Variants in GRIK2 observed in about 807,000 individuals in gnomAD.
GRIK2 encodes the protein glutamate ionotropic receptor kainate type subunit 2.
GRIK2 carries 32 observed loss-of-function variants against 100.3 expected under a neutral mutation model. The observed-to-expected ratio is 0.32, with a 90% CI of 0.24 to 0.43. GRIK2 has a LOEUF of 0.43. Among genes scored for constraint, GRIK2 ranks in the 20% least tolerant of loss-of-function variants. GRIK2 has a pLI of 1.00. For missense variants in GRIK2, 843 were observed against 1,114.9 expected, an observed-to-expected ratio of 0.76 and a Z score of 3.47; for synonymous variants, 417 against 389.4, an observed-to-expected ratio of 1.07 and a Z score of -0.83.
chr6:101,968,633 A>C (rs1792847131), intron 14 of GRIK2, among the ~76,000 whole-genome samples: 1 of 152,034 alleles, frequency 6.6e-6, no homozygotes, highest in South Asian at 2.1e-4. Flanking sequence ...GATTTGGCTG[A>C]GAACATAAAG....
At chr6:101,910,864 CAT>C (rs1491032382) in intron 12 of GRIK2, among the ~76,000 whole-genome samples, 8 of 150,616 alleles carry the variant, frequency 5.3e-5, no homozygotes, top group South Asian at 2.1e-4. Context: ...CACACACACA[CAT>C]ACACAAGCAT....
Position 102,068,401 on chromosome 6 carries a change from C to T in GRIK2, c.2617C>T (p.Arg873Cys), listed in dbSNP as rs1049934499. The T allele has an allele frequency of 3.7e-6, 6 of 1,611,536 alleles. No homozygotes were observed. Among genetic ancestry groups the T allele is most frequent in the African/African-American group, 2.7e-5 (2 of 74,718 alleles). The stretch of plus-strand genomic sequence containing the variant: ...ATTGAGGATGTCCCTGAAGTGCCAG[C>T]GTCGGTTAAAACATAAGCCACAGGC... Reference protein sequence around the residue: ...EELRMSLKCQRRLKHKPQAPV... With the variant: ...EELRMSLKCQCRLKHKPQAPV... Residue 873 changes from arginine (R) to cysteine (C), a missense_variant, in exon 17 of 17, where the codon CGT becomes TGT. Transcript: ENST00000369134.
At chr6:102,026,963 A>C (rs1221066391) in intron 14 of GRIK2, among the ~76,000 whole-genome samples, 1 of 151,284 alleles carries the variant, frequency 6.6e-6, no homozygotes, top group Non-Finnish European at 1.5e-5. Flanking sequence ...AGATGAGTCC[A>C]GATAGGGCTC....
intron 3 of GRIK2, 42 bp from the exon 4 acceptor site, chr6:101,626,338 A>G: frequency 6.5e-7 from 1 of 1,546,546 alleles, no homozygotes; most frequent in Non-Finnish European, 8.8e-7. Context: ...GCACACTGGC[A>G]CCTCTCCTCT....
rs191009102 is a variant in GRIK2 at position 101,553,591 on chromosome 6, A to G, written c.116-68358A>G. Among the ~76,000 whole-genome samples, 7 of 152,306 alleles carry G rather than the reference A, an allele frequency of 4.6e-5. No individual in the cohort carries two copies. In the East Asian group the frequency reaches 5.8e-4, roughly 13 times the overall value. ...AATGATCACAGGGAGTTTAAACCCA[A>G]CTGTAATTTGGTTACTAGATAGAGG... On this transcript the variant is annotated intron_variant, in intron 2 of 16. Transcript: ENST00000369134.
At chr6:101,532,770 C>G (rs1775507436) in intron 2 of GRIK2, among the ~76,000 whole-genome samples, 1 of 150,958 alleles carries the variant, frequency 6.6e-6, no homozygotes, top group African/African-American at 2.4e-5. Context: ...CTTAGAAGAC[C>G]TAAAGAAGTA....
At chr6:101,951,262 T>C (rs1791587612) in intron 14 of GRIK2, among the ~76,000 whole-genome samples, 1 of 152,218 alleles carries the variant, frequency 6.6e-6, no homozygotes, top group Admixed American at 6.5e-5. Context: ...CTGTATTTTC[T>C]ATTTTCTTTA....
chr6:101,859,654 A>G (rs1290717378), intron 11 of GRIK2, among the ~76,000 whole-genome samples, 161 bp downstream of exon 11: 1 of 152,210 alleles, frequency 6.6e-6, no homozygotes, highest in Non-Finnish European at 1.5e-5. Context: ...CACTAAATGT[A>G]AAGAATCTAA....
chr6:101,972,827 G>A (rs1004438688), intron 14 of GRIK2, among the ~76,000 whole-genome samples: 8 of 151,756 alleles, frequency 5.3e-5, no homozygotes, highest in African/African-American at 1.9e-4. Context: ...GCTTGTTTTT[G>A]TCAGCTTTGT....
intron 10 of GRIK2, among the ~76,000 whole-genome samples, chr6:101,824,488 G>T (rs1047705519): frequency 6.6e-6 from 1 of 152,026 alleles, no homozygotes; most frequent in Non-Finnish European, 1.5e-5. Context: ...CTTAGTTTTC[G>T]ATAGACATTT....
chr6:101,792,637 A>G (rs1295651097), intron 7 of GRIK2, among the ~76,000 whole-genome samples: 1 of 152,104 alleles, frequency 6.6e-6, no homozygotes, highest in Non-Finnish European at 1.5e-5. Flanking sequence ...GGCTGCCGTT[A>G]ACATTTTTTC....
At chr6:101,901,329 A>G (rs577233664) in intron 12 of GRIK2, among the ~76,000 whole-genome samples, 1 of 152,164 alleles carries the variant, frequency 6.6e-6, no homozygotes, top group South Asian at 2.1e-4. Flanking sequence ...ATGGAACTAC[A>G]TGATAGCCAT....
At chr6:101,569,861 C>A (rs73506639) in intron 2 of GRIK2, among the ~76,000 whole-genome samples, 12,835 of 152,078 alleles carry the variant, frequency 0.084, 1,426 homozygotes, top group African/African-American at 0.26. Flanking sequence ...ATTTTAAATA[C>A]TATTGCTGGA....
chr6:102,032,825 T>A (rs1277712873), intron 14 of GRIK2, among the ~76,000 whole-genome samples: 1 of 151,336 alleles, frequency 6.6e-6, no homozygotes, highest in Non-Finnish European at 1.5e-5. Context: ...CTTGGCTGTT[T>A]GATCATATTT....
intron 7 of GRIK2, among the ~76,000 whole-genome samples, chr6:101,687,729 A>G (rs1033301496): frequency 1.3e-5 from 2 of 151,878 alleles, no homozygotes; most frequent in African/African-American, 2.4e-5. Flanking sequence ...TATCCGTATG[A>G]ATTTGTTTTA....
At chr6:101,948,864 T>C (rs551849825) in intron 14 of GRIK2, among the ~76,000 whole-genome samples, 4 of 152,140 alleles carry the variant, frequency 2.6e-5, no homozygotes, top group Admixed American at 2.0e-4. Context: ...ATTGCCAATA[T>C]GAGGCAAACT....
chr6:101,540,539 T>A (rs1476097049), intron 2 of GRIK2, among the ~76,000 whole-genome samples: 2 of 151,578 alleles, frequency 1.3e-5, no homozygotes, highest in African/African-American at 4.8e-5. Flanking sequence ...TCCACAAAAA[T>A]GAAAAATTAA....
chr6:101,532,016 T>C (rs936163271), intron 2 of GRIK2, among the ~76,000 whole-genome samples: 13 of 151,962 alleles, frequency 8.6e-5, no homozygotes, highest in African/African-American at 3.1e-4. Flanking sequence ...TTATAAAACC[T>C]AAGTATTGTT....
intron 16 of GRIK2, among the ~76,000 whole-genome samples, chr6:102,067,731 AC>A (rs1772087052): frequency 6.6e-6 from 1 of 151,868 alleles, no homozygotes. Flanking sequence ...TAGATGTCTA[AC>A]ATGCTATAAT....
Sources: allele counts gnomAD v4.1 joint callset (sites outside exome capture counted in the v4.1 genomes callset), GRCh38; gene constraint gnomAD v4.1.1; transcripts MANE v1.5; gene names NCBI Gene and HGNC (gene_info 2026-07-23, HGNC 2026-07-21).